Variants in KDM2A observed in about 807,000 individuals in gnomAD.
The protein encoded by KDM2A is lysine demethylase 2A, also known as lysine-specific demethylase 2A.
A neutral mutation model predicts 137.3 loss-of-function variants in KDM2A; 3 were observed. The ratio of observed to expected loss-of-function variants is 0.02; its 90% CI spans 0.01 to 0.06. The LOEUF is 0.06. Ranked by LOEUF, KDM2A falls within the 10% of genes least tolerant of loss-of-function variation. KDM2A has a pLI of 1.00. For missense variants in KDM2A, 738 were observed against 1,510.6 expected (o/e 0.49, Z 8.48); for synonymous variants, 512 against 541.5 (o/e 0.95, Z 0.76).
intron 12 of KDM2A, among the ~76,000 whole-genome samples, chr11:67,234,981 G>GA (rs1467271103): frequency 4.0e-5 from 6 of 151,474 alleles, no homozygotes; most frequent in Non-Finnish European, 5.9e-5. Context: ...CCCGTCTCTA[G>GA]AAAAAATACA....
At chr11:67,232,901 G>T (rs1858758636) in intron 12 of KDM2A, among the ~76,000 whole-genome samples, 1 of 151,676 alleles carries the variant, frequency 6.6e-6, no homozygotes, top group African/African-American at 2.4e-5. Context: ...ATAGAGATGG[G>T]GTTTCACCAT....
intron 6 of KDM2A, among the ~76,000 whole-genome samples, chr11:67,214,053 T>G (rs1399936705): frequency 6.6e-6 from 1 of 151,666 alleles, no homozygotes; most frequent in African/African-American, 2.4e-5. Context: ...TTTTATTTAT[T>G]TTTTGAGACG....
chr11:67,138,508 C>T (rs1162449148), intron 2 of KDM2A, among the ~76,000 whole-genome samples: 1 of 152,106 alleles, frequency 6.6e-6, no homozygotes, highest in African/African-American at 2.4e-5. Flanking sequence ...GGGCTGGGCA[C>T]GGTGGCTCAC....
chr11:67,152,061 C>A (rs997486631), intron 2 of KDM2A, among the ~76,000 whole-genome samples: 1 of 148,988 alleles, frequency 6.7e-6, no homozygotes, highest in African/African-American at 2.5e-5. Flanking sequence ...ACACCTGTTA[C>A]ACCAGCATCT....
chr11:67,253,232 T>C (rs1054816799), intron 18 of KDM2A, among the ~76,000 whole-genome samples: 2 of 151,976 alleles, frequency 1.3e-5, no homozygotes, highest in Admixed American at 6.5e-5. Flanking sequence ...AGTCACTCCT[T>C]CTTGTATTGC....
At chr11:67,203,410 C>T (rs931324727) in intron 5 of KDM2A, among the ~76,000 whole-genome samples, 23 of 129,510 alleles carry the variant, frequency 1.8e-4, no homozygotes, top group Non-Finnish European at 3.4e-4. Context: ...ACAAAATAGT[C>T]TAGTAATAAA....
chr11:67,223,494 G>A (rs1248288146), intron 10 of KDM2A, among the ~76,000 whole-genome samples: 3 of 151,846 alleles, frequency 2.0e-5, no homozygotes, highest in East Asian at 1.9e-4. Context: ...CCTCAACCTC[G>A]TAGGCTCAAG....
intron 2 of KDM2A, among the ~76,000 whole-genome samples, chr11:67,136,475 A>G (rs1855971735): frequency 6.6e-6 from 1 of 152,184 alleles, no homozygotes; most frequent in African/African-American, 2.4e-5. Context: ...ATGTTTGTTG[A>G]GTGCTTATGT....
chr11:67,201,216 A>ATGTGTGTG (rs1256887712), intron 5 of KDM2A, among the ~76,000 whole-genome samples: 7 of 19,730 alleles, frequency 3.5e-4, no homozygotes, highest in Admixed American at 7.2e-4. Context: ...ATATATATAT[A>ATGTGTGTG]TATGTGTGTG....
Position 67,119,859 on chromosome 11 carries a change from G to C in KDM2A, c.-274G>C, listed in dbSNP as rs749689326. On this transcript the variant is annotated 5_prime_UTR_variant, in exon 1 of 21. Coordinates refer to ENST00000529006, the MANE Select transcript of KDM2A (RefSeq NM_012308.3). Reference sequence around the variant, plus strand: ...CTCTCTCCTGACGCCTCCGACTCCCGGTCTCCAAAGCCAGAAGAGAAGGTT... The same window carrying C: ...CTCTCTCCTGACGCCTCCGACTCCCCGTCTCCAAAGCCAGAAGAGAAGGTT... The C allele has an allele frequency of 6.6e-6, 1 of 151,962 alleles. No individual in the cohort carries two copies. Among genetic ancestry groups the C allele is most frequent in the Non-Finnish European group, 1.5e-5 (1 of 67,982 alleles). 9.4% of individuals were successfully genotyped at this position (151,962 alleles called of 1,614,324 possible).
At chr11:67,201,772 CAAAAAAAAAAAAAAAAAAA>C (rs71056184) in intron 5 of KDM2A, among the ~76,000 whole-genome samples, 25 of 37,824 alleles carry the variant, frequency 6.6e-4, no homozygotes, top group Non-Finnish European at 4.3e-4. Flanking sequence ...GACTCCATCT[CAAAAAAAAAAAAAAAAAAA>C]AAAAAAAAAA....
At chr11:67,172,841 C>G (rs929262741) in intron 2 of KDM2A, among the ~76,000 whole-genome samples, 1 of 151,924 alleles carries the variant, frequency 6.6e-6, no homozygotes, top group African/African-American at 2.4e-5. Flanking sequence ...TTGTCTTGTT[C>G]CTAATCTTAG....
At chr11:67,234,529 A>C (rs570086340) in intron 12 of KDM2A, among the ~76,000 whole-genome samples, 7 of 152,328 alleles carry the variant, frequency 4.6e-5, no homozygotes, top group African/African-American at 1.7e-4. Flanking sequence ...CAAGTCATAG[A>C]ATATAGAGTT....
At chr11:67,130,639 T>TG (rs1341181618) in intron 2 of KDM2A, among the ~76,000 whole-genome samples, 5 of 152,248 alleles carry the variant, frequency 3.3e-5, no homozygotes, top group Middle Eastern at 3.4e-3. Context: ...CTTTCTATTT[T>TG]GGGGGGGTAA....
chr11:67,238,566 G>A (rs537894102), intron 12 of KDM2A, among the ~76,000 whole-genome samples: 9 of 152,208 alleles, frequency 5.9e-5, no homozygotes, highest in South Asian at 2.1e-4. Context: ...AAGCTCAGCC[G>A]AGAGCACAAA....
intron 2 of KDM2A, among the ~76,000 whole-genome samples, chr11:67,166,805 G>A (rs566945455): frequency 6.6e-6 from 1 of 152,242 alleles, no homozygotes; most frequent in African/African-American, 2.4e-5. Flanking sequence ...GGCTGAGCGT[G>A]GTGGGTCATG....
chr11:67,158,115 C>G (rs1258711431), intron 2 of KDM2A, among the ~76,000 whole-genome samples: 1 of 150,940 alleles, frequency 6.6e-6, no homozygotes, highest in Non-Finnish European at 1.5e-5. Flanking sequence ...CTTTCCTCTC[C>G]CCCATACACC....
intron 5 of KDM2A, among the ~76,000 whole-genome samples, chr11:67,189,192 A>C (rs1857283839): frequency 2.0e-5 from 3 of 152,242 alleles, no homozygotes; most frequent in Non-Finnish European, 4.4e-5. Flanking sequence ...GGATTTAAAA[A>C]ATAGATATCA....
intron 2 of KDM2A, among the ~76,000 whole-genome samples, chr11:67,154,879 G>A (rs7945629): frequency 0.081 from 12,316 of 152,196 alleles, 1,680 homozygotes; most frequent in African/African-American, 0.28. Flanking sequence ...ATAATATTCC[G>A]TTGTATGGAT....
Sources: gnomAD v4.1 joint callset for allele counts (sites outside exome capture counted in the v4.1 genomes callset) on GRCh38, gnomAD v4.1.1 for gene constraint, MANE v1.5 for transcripts, NCBI Gene and HGNC (gene_info 2026-07-23, HGNC 2026-07-21) for gene names.